NDST4: variants seen among roughly 807,000 people sequenced by gnomAD.
NDST4 encodes the protein N-heparan sulfate sulfotransferase 4.
A neutral mutation model predicts 100.8 loss-of-function variants in NDST4; 63 were observed. The ratio of observed to expected loss-of-function variants is 0.62; its 90% CI spans 0.51 to 0.77. NDST4 has a LOEUF of 0.77. Among genes scored for constraint, NDST4 ranks in the 30% least tolerant of loss-of-function variants. The probability of loss-of-function intolerance (pLI) is 0.00; values close to 1 mark genes in which losing one functional copy is unlikely to be tolerated. For synonymous variants in NDST4, 377 were observed against 361.8 expected (o/e 1.04, Z -0.48); for missense variants, 943 against 1,018.4 (o/e 0.93, Z 1.01).
intron 2 of NDST4, among the ~76,000 whole-genome samples, chr4:115,006,029 C>G (rs1300619899): frequency 6.9e-5 from 2 of 28,976 alleles, no homozygotes; most frequent in Non-Finnish European, 1.3e-4. Flanking sequence ...GAGACTCTAT[C>G]TCAAAAAAAA....
intron 1 of NDST4, among the ~76,000 whole-genome samples, chr4:115,080,271 G>T (rs1423906490): frequency 2.6e-5 from 4 of 151,996 alleles, no homozygotes; most frequent in Non-Finnish European, 5.9e-5. Context: ...CTAGTAGCTG[G>T]GATTACAGGC....
At chr4:114,872,466 A>G (rs1193855662) in intron 6 of NDST4, among the ~76,000 whole-genome samples, 2 of 151,982 alleles carry the variant, frequency 1.3e-5, no homozygotes, top group Non-Finnish European at 2.9e-5. Flanking sequence ...TGCCCTTTTT[A>G]TTGTGGAAAA....
chr4:114,867,664 G>GTAAAAAAAAAAAAAAAAAGA (rs1491405935), intron 7 of NDST4, among the ~76,000 whole-genome samples: 1 of 26,084 alleles, frequency 3.8e-5, no homozygotes, highest in African/African-American at 9.9e-5. Context: ...AAAAAAAAAA[G>GTAAAAAAAAAAAAAAAAAGA]CAAAAAAAAA....
rs549478932 is a variant in NDST4 at position 114,989,875 on chromosome 4, C to G, written c.979-12601G>C. 3.3e-5 allele frequency among the ~76,000 whole-genome samples: 5 copies of G among 152,240 alleles called. 1 individual carries two copies. The East Asian group carries it at 9.6e-4, about 29-fold the overall frequency. On this transcript the variant is annotated intron_variant, in intron 2 of 13. Transcript: ENST00000264363. ...TGATGACTTCTGATTTGTTCCCAGG[C>G]TTTATGTATCAGATGAACACTGTTT...
At chr4:115,101,207 T>C (rs933858454) in intron 1 of NDST4, among the ~76,000 whole-genome samples, 1 of 152,078 alleles carries the variant, frequency 6.6e-6, no homozygotes, top group Admixed American at 6.6e-5. Flanking sequence ...AAAAAGGCAA[T>C]TGCAATAAGG....
At chr4:114,992,511 C>T (rs575467763) in intron 2 of NDST4, among the ~76,000 whole-genome samples, 9 of 150,390 alleles carry the variant, frequency 6.0e-5, no homozygotes, top group Admixed American at 4.0e-4. Flanking sequence ...CTTCACAGAA[C>T]ATGTTTGAAC....
intron 2 of NDST4, among the ~76,000 whole-genome samples, chr4:115,025,746 G>A (rs1242770345): frequency 6.6e-6 from 1 of 152,112 alleles, no homozygotes; most frequent in African/African-American, 2.4e-5. Flanking sequence ...TTAAAGTGAT[G>A]CCTGAATTTA....
In NDST4 at chr4:115,006,044, A is replaced by C. The variant is rs1205721967; in HGVS notation, c.979-28770T>G. On this transcript the variant is annotated intron_variant, in intron 2 of 13. Coordinates refer to ENST00000264363, the MANE Select transcript of NDST4 (RefSeq NM_022569.3). The stretch of plus-strand genomic sequence containing the variant: ...GAGACTCTATCTCAAAAAAAAAAAA[A>C]AAAAAGAAGAAGAAGAAGGAGAGAT... Among the ~76,000 whole-genome samples the C allele has an allele frequency of 5.3e-5, 8 of 151,152 alleles. No homozygotes were observed. In the East Asian group the frequency reaches 1.5e-3, roughly 29 times the overall value.
chr4:114,902,457 T>C (rs1724864671), intron 6 of NDST4, among the ~76,000 whole-genome samples: 1 of 152,098 alleles, frequency 6.6e-6, no homozygotes, highest in African/African-American at 2.4e-5. Flanking sequence ...GTAATTCTTA[T>C]CTTTGCTCCT....
At chr4:114,909,390 G>T (rs981598145) in intron 6 of NDST4, among the ~76,000 whole-genome samples, 5 of 152,076 alleles carry the variant, frequency 3.3e-5, no homozygotes, top group Non-Finnish European at 5.9e-5. Context: ...GCCGGGCGCG[G>T]TGGCTCACGC....
intron 12 of NDST4, 105 bp from the exon 13 acceptor site, chr4:114,829,997 T>A: frequency 1.3e-6 from 1 of 755,130 alleles, no homozygotes; most frequent in Non-Finnish European, 2.2e-6. Context: ...CCCACTGATT[T>A]AATTTAATTC....
chr4:115,112,527 C>A (rs757620714), intron 1 of NDST4, among the ~76,000 whole-genome samples: 7 of 151,810 alleles, frequency 4.6e-5, no homozygotes, highest in Non-Finnish European at 1.0e-4. Context: ...TTAAAACTTT[C>A]TAAAGCTGTA....
intron 4 of NDST4, 107 bp from the exon 5 acceptor site, chr4:114,937,610 T>C: frequency 5.5e-6 from 5 of 907,898 alleles, no homozygotes; most frequent in South Asian, 2.2e-5. Flanking sequence ...ATGCTAAATA[T>C]GAGAATTAAA....
Position 114,994,519 on chromosome 4 carries a change from T to G in NDST4, c.979-17245A>C, listed in dbSNP as rs192071280. Among the ~76,000 whole-genome samples, 13 of 152,096 alleles carry G rather than the reference T, an allele frequency of 8.5e-5. No homozygotes were observed. The East Asian group carries it at 2.3e-3, about 27-fold the overall frequency. Reference sequence around the variant, plus strand: ...GATGAATGCTAGTAGCGTTTGAAACTGATGGAAATCAGTTACAAGGAGGTA... The same window carrying G: ...GATGAATGCTAGTAGCGTTTGAAACGGATGGAAATCAGTTACAAGGAGGTA... On this transcript the variant is annotated intron_variant, in intron 2 of 13. Coordinates refer to ENST00000264363, the MANE Select transcript of NDST4 (RefSeq NM_022569.3).
chr4:115,019,396 A>G (rs77402599), intron 2 of NDST4, among the ~76,000 whole-genome samples: 2,254 of 152,226 alleles, frequency 0.015, 64 homozygotes, highest in African/African-American at 0.051. Context: ...AAAGAAAGAA[A>G]AGATGCCAGG....
At chr4:115,038,783 T>G (rs1362995535) in intron 2 of NDST4, among the ~76,000 whole-genome samples, 2 of 152,060 alleles carry the variant, frequency 1.3e-5, no homozygotes, top group Non-Finnish European at 2.9e-5. Context: ...CAAGACCAGC[T>G]TGGGCAACAT....
At chr4:114,980,193 C>T (rs1026519726) in intron 2 of NDST4, among the ~76,000 whole-genome samples, 5 of 152,000 alleles carry the variant, frequency 3.3e-5, no homozygotes, top group Middle Eastern at 3.2e-3. Context: ...TCTTTTAAAA[C>T]CCTTCAATTT....
chr4:115,096,952 T>G (rs2126296742), intron 1 of NDST4, among the ~76,000 whole-genome samples: 1 of 152,210 alleles, frequency 6.6e-6, no homozygotes, highest in South Asian at 2.1e-4. Flanking sequence ...CTTATCTTAC[T>G]TTACCTATAA....
intron 2 of NDST4, among the ~76,000 whole-genome samples, chr4:115,041,510 G>T (rs1728351302): frequency 6.6e-6 from 1 of 152,046 alleles, no homozygotes; most frequent in South Asian, 2.1e-4. Context: ...AGTTCAAGGT[G>T]ATTTCTGGTT....
Sources: gnomAD v4.1 joint callset for allele counts (sites outside exome capture counted in the v4.1 genomes callset) on GRCh38, gnomAD v4.1.1 for gene constraint, MANE v1.5 for transcripts, NCBI Gene and HGNC (gene_info 2026-07-23, HGNC 2026-07-21) for gene names.